The following RNF212 variants were observed in gnomAD, a reference collection of about 807,000 sequenced individuals.
The protein encoded by RNF212 is probable E3 SUMO-protein ligase RNF212.
RNF212 carries 33 observed loss-of-function variants against 34.7 expected under a neutral mutation model. The ratio of observed to expected loss-of-function variants is 0.95; its 90% CI spans 0.72 to 1.27. The LOEUF (loss-of-function observed/expected upper bound fraction) is 1.27. Ranked by LOEUF, RNF212 falls within the 50% of genes most tolerant of loss-of-function variation. The pLI, the probability that RNF212 is intolerant of heterozygous loss-of-function variation, is 0.00. For missense variants in RNF212, 377 were observed against 362.2 expected (o/e 1.04, Z -0.33); for synonymous variants, 140 against 136.1 (o/e 1.03, Z -0.20).
At chr4:1,075,628 G>A (rs1371779177) in intron 8 of RNF212, among the ~76,000 whole-genome samples, 2 of 152,186 alleles carry the variant, frequency 1.3e-5, no homozygotes, top group Non-Finnish European at 2.9e-5. Context: ...CATGAGATTC[G>A]GGCAGGGACA....
chr4:1,077,615 G>A (rs893442080), intron 8 of RNF212, among the ~76,000 whole-genome samples: 3 of 152,212 alleles, frequency 2.0e-5, no homozygotes, highest in Non-Finnish European at 4.4e-5. Context: ...ACAGAACAAA[G>A]TTCTTCCTCC....
intron 3 of RNF212, among the ~76,000 whole-genome samples, chr4:1,062,873 AT>A (rs1456468950): frequency 6.6e-6 from 1 of 152,240 alleles, no homozygotes; most frequent in African/African-American, 2.4e-5. Context: ...AGGATACAAG[AT>A]CCATCTATAA....
Position 1,073,199 on chromosome 4 carries a change from G to A in RNF212, c.575-6C>T, listed in dbSNP as rs1394906465. 5 of 1,613,108 alleles carry A rather than the reference G, an allele frequency of 3.1e-6. No homozygotes were observed. In the Admixed American group the frequency reaches 6.7e-5, roughly 22 times the overall value. ...AGAAGCTGTTAGATGTGGCCCTGCG[G>A]GAAGATGCAGGAGACAGCGTGTGGG... On this transcript the variant is annotated splice_region_variant and splice_polypyrimidine_tract_variant and intron_variant, in intron 9 of 9. Transcript: ENST00000433731.
intron 1 of RNF212, among the ~76,000 whole-genome samples, chr4:1,111,448 ACCCCACCCTGCTGTG>A (rs1459944601): frequency 2.6e-5 from 4 of 151,782 alleles, no homozygotes; most frequent in South Asian, 2.1e-4. Context: ...GGGGCCCTGC[ACCCCACCCTGCTGTG>A]CCCCACCCTG....
chr4:1,085,876 CG>C lies in RNF212; in HGVS notation c.362+19del, dbSNP rs1560122417. ...AGTGGGTGCCTCGACTGCGCACTCA[CG>C]GGGGGTGGGGCGCCTTACCTTTGTA... On this transcript the variant is annotated intron_variant, in intron 5 of 9. Coordinates refer to ENST00000433731, the MANE Select transcript of RNF212 (RefSeq NM_001131034.4). 4 of 1,598,356 alleles carry C rather than the reference CG, an allele frequency of 2.5e-6. No individual in the cohort carries two copies. The highest frequency in any genetic ancestry group is 3.4e-6 in the Non-Finnish European group (4 of 1,166,380).
chr4:1,076,425 G>A (rs949201049), intron 8 of RNF212, among the ~76,000 whole-genome samples: 1 of 152,194 alleles, frequency 6.6e-6, no homozygotes, highest in Non-Finnish European at 1.5e-5. Flanking sequence ...ACGAGCCTTT[G>A]GGGCAGGAAC....
intron 3 of RNF212, among the ~76,000 whole-genome samples, chr4:1,091,791 C>T (rs753684807): frequency 3.3e-5 from 5 of 152,230 alleles, no homozygotes; most frequent in South Asian, 2.1e-4. Context: ...GACAGCCTCG[C>T]GGTTTCCTGG....
rs895948416 is a variant in RNF212, at chr4:1,113,484, C to A, written c.-20G>T. On this transcript the variant is annotated 5_prime_UTR_variant, in exon 1 of 10. Transcript: ENST00000433731. ...GGCCATGCCAGGCGGGCGACCGCAG[C>A]GGCGAGGCCGGGCCCACGCGAAGCC... 4 of 1,595,116 alleles carry A rather than the reference C, an allele frequency of 2.5e-6. No individual in the cohort carries two copies. In the African/African-American group the frequency reaches 4.1e-5, roughly 16 times the overall value.
At chr4:1,074,185 G>T (rs1315204620) in intron 8 of RNF212, among the ~76,000 whole-genome samples, 2 of 152,150 alleles carry the variant, frequency 1.3e-5, no homozygotes, top group Non-Finnish European at 2.9e-5. Flanking sequence ...TGTGAACCCA[G>T]AGCTGCCAGC....
intron 8 of RNF212, among the ~76,000 whole-genome samples, chr4:1,079,079 G>T (rs1577673237): frequency 6.7e-6 from 1 of 148,646 alleles, no homozygotes; most frequent in East Asian, 2.0e-4. Context: ...ACCAACACAG[G>T]GTCAACACAG....
At chr4:1,066,189 C>G (rs527251559) in intron 3 of RNF212, among the ~76,000 whole-genome samples, 15 of 151,690 alleles carry the variant, frequency 9.9e-5, no homozygotes, top group African/African-American at 3.6e-4. Flanking sequence ...TCCTGAACAG[C>G]TGGGACTACA....
Position 1,081,614 on chromosome 4 carries a change from C to G in RNF212, c.368G>C (p.Arg123Thr), listed in dbSNP as rs1720360282. Residue 123 changes from arginine to threonine, a missense_variant, in exon 6 of 10, where the codon AGA becomes ACA. Coordinates refer to ENST00000433731, the MANE Select transcript of RNF212 (RefSeq NM_001131034.4). ...GCTGAAAGCTGTTTGTTGTGATGAT[C>G]TCATACTAAATAGATGGAGAAAAGG... is the stretch of plus-strand genomic sequence containing the variant. ...VLQIEQLQSM[R>T]SSQQTAFSTI... 6 of 1,605,310 alleles carry G rather than the reference C, an allele frequency of 3.7e-6. No individual in the cohort carries two copies. Among genetic ancestry groups the G allele is most frequent in the South Asian group, 1.1e-5 (1 of 90,870 alleles).
chr4:1,070,890 A>G (rs914997473), downstream of RNF212, among the ~76,000 whole-genome samples: 1 of 151,580 alleles, frequency 6.6e-6, no homozygotes, highest in African/African-American at 2.4e-5. Context: ...TTTTTTTTTT[A>G]ATACTGTTCT....
intron 4 of RNF212, among the ~76,000 whole-genome samples, chr4:1,089,689 C>T (rs113594203): frequency 0.025 from 3,743 of 150,140 alleles, 161 homozygotes; most frequent in African/African-American, 0.089. Flanking sequence ...GGGAGGGATC[C>T]GGTGGGAAGT....
chr4:1,092,929 C>A (rs1722422443), intron 3 of RNF212, among the ~76,000 whole-genome samples: 1 of 152,282 alleles, frequency 6.6e-6, no homozygotes, highest in Non-Finnish European at 1.5e-5. Flanking sequence ...AATACCAGTT[C>A]TCCTCCATGG....
intron 2 of RNF212, 41 bp downstream of exon 2, chr4:1,108,302 T>C (rs1385341110): frequency 2.3e-6 from 3 of 1,292,676 alleles, no homozygotes; most frequent in African/African-American, 1.6e-5. Flanking sequence ...AAAGGAAATA[T>C]GACTGTGATT....
intron 3 of RNF212, among the ~76,000 whole-genome samples, chr4:1,093,122 G>C (rs1472857247): frequency 6.6e-6 from 1 of 152,162 alleles, no homozygotes; most frequent in African/African-American, 2.4e-5. Flanking sequence ...GGTGGACCAG[G>C]GCAGGCAGTG....
chr4:1,077,790 G>A (rs544342509), intron 8 of RNF212, among the ~76,000 whole-genome samples: 1 of 152,340 alleles, frequency 6.6e-6, no homozygotes, highest in East Asian at 1.9e-4. Context: ...AGCAGGGCCT[G>A]AGGGGGCAGG....
intron 3 of RNF212, among the ~76,000 whole-genome samples, chr4:1,064,733 C>T (rs1307141421): frequency 3.3e-5 from 5 of 152,176 alleles, no homozygotes; most frequent in Admixed American, 2.0e-4. Flanking sequence ...AACCATCACA[C>T]CACCCATCTC....
Sources: allele counts gnomAD v4.1 joint callset (sites outside exome capture counted in the v4.1 genomes callset), GRCh38; gene constraint gnomAD v4.1.1; transcripts MANE v1.5; gene names NCBI Gene and HGNC (gene_info 2026-07-23, HGNC 2026-07-21).